PHF21A: variants seen among roughly 807,000 people sequenced by gnomAD.
PHF21A encodes PHD finger protein 21A, also known as BHC80a.
A neutral mutation model predicts 82.5 loss-of-function variants in PHF21A; 11 were observed. The ratio of observed to expected loss-of-function variants is 0.13; its 90% CI spans 0.08 to 0.22. The LOEUF is 0.22. Ranked by LOEUF, PHF21A falls within the 10% of genes least tolerant of loss-of-function variation. PHF21A has a pLI of 1.00. For missense variants in PHF21A, 579 were observed against 837.8 expected (o/e 0.69, Z 3.81); for synonymous variants, 297 against 302.8 (o/e 0.98, Z 0.20).
chr11:46,011,314 C>A (rs555561157), intron 6 of PHF21A, among the ~76,000 whole-genome samples: 1 of 152,240 alleles, frequency 6.6e-6, no homozygotes, highest in Admixed American at 6.5e-5. Context: ...CATGGTAAAA[C>A]CCTGTCTCTA....
intron 5 of PHF21A, among the ~76,000 whole-genome samples, chr11:46,078,793 G>A (rs1259432585): frequency 6.6e-6 from 1 of 152,036 alleles, no homozygotes; most frequent in African/African-American, 2.4e-5. Flanking sequence ...ATATTGGGAT[G>A]ACAGAAAGCC....
At chr11:46,097,942 A>C (rs2097024482) in intron 1 of PHF21A, among the ~76,000 whole-genome samples, 1 of 152,186 alleles carries the variant, frequency 6.6e-6, no homozygotes, top group Non-Finnish European at 1.5e-5. Context: ...CCTACCCTTA[A>C]AGATATTGAA....
At chr11:45,982,497 C>A (rs1263622438) in intron 6 of PHF21A, among the ~76,000 whole-genome samples, 1 of 152,016 alleles carries the variant, frequency 6.6e-6, no homozygotes, top group Non-Finnish European at 1.5e-5. Context: ...ACTTTCAAGT[C>A]TTCAAAATTC....
chr11:46,077,092 C>T (rs1407678661), intron 5 of PHF21A, among the ~76,000 whole-genome samples: 1 of 152,176 alleles, frequency 6.6e-6, no homozygotes, highest in African/African-American at 2.4e-5. Context: ...GGTAAGAGTA[C>T]CTGTCCACTA....
intron 10 of PHF21A, among the ~76,000 whole-genome samples, chr11:45,960,992 C>T (rs1176811238): frequency 6.6e-6 from 1 of 152,186 alleles, no homozygotes; most frequent in African/African-American, 2.4e-5. Flanking sequence ...CAGTTTGCCA[C>T]AGTTTCTTCC....
At chr11:46,085,245 T>C (rs1190600199) in intron 3 of PHF21A, among the ~76,000 whole-genome samples, 1 of 152,082 alleles carries the variant, frequency 6.6e-6, no homozygotes, top group Non-Finnish European at 1.5e-5. Context: ...TCGTGTGTAA[T>C]TGAGGTGGTC....
chr11:45,989,684 A>G (rs980818538), intron 6 of PHF21A, among the ~76,000 whole-genome samples: 7 of 150,214 alleles, frequency 4.7e-5, no homozygotes, highest in Non-Finnish European at 1.0e-4. Context: ...ATAAATAAAT[A>G]AATAAAAATA....
chr11:45,989,034 T>C (rs2094586873), intron 6 of PHF21A, among the ~76,000 whole-genome samples: 1 of 152,176 alleles, frequency 6.6e-6, no homozygotes, highest in African/African-American at 2.4e-5. Flanking sequence ...TAAATTTACT[T>C]TCTGACAAGA....
At chr11:46,071,733 CAAA>C (rs10712240) in intron 6 of PHF21A, among the ~76,000 whole-genome samples, 1 of 147,822 alleles carries the variant, frequency 6.8e-6, no homozygotes, top group Non-Finnish European at 1.5e-5. Flanking sequence ...TGATAATAGC[CAAA>C]AAAAAAAACT....
At chr11:45,934,986 G>T in intron 18 of PHF21A, 2 of 585,624 alleles carry the variant, frequency 3.4e-6, no homozygotes, top group Non-Finnish European at 5.7e-6. Context: ...GAGGGCTGAG[G>T]TCACTTCACT....
At chr11:45,937,762 T>C (rs753247469) in intron 16 of PHF21A, among the ~76,000 whole-genome samples, 2 of 152,236 alleles carry the variant, frequency 1.3e-5, no homozygotes, top group Non-Finnish European at 2.9e-5. Context: ...ATTACAGGCC[T>C]GAGTCACCAC....
rs563075203 is a variant in PHF21A at position 45,998,739 on chromosome 11, G to A, written c.154-18773C>T. ...GTTGGTCAGGCTGGTCTCGAACTTC[G>A]GACCTCAAGTCATCCACCTACCTCG... On this transcript the variant is annotated intron_variant, in intron 6 of 18. Coordinates refer to ENST00000676320, the MANE Select transcript of PHF21A (RefSeq NM_001352027.3). 2.5e-4 allele frequency among the ~76,000 whole-genome samples: 37 copies of A among 150,976 alleles called. No individual in the cohort carries two copies. In the South Asian group the frequency reaches 6.3e-3, roughly 26 times the overall value.
chr11:46,001,707 A>T (rs1261402968), intron 6 of PHF21A, among the ~76,000 whole-genome samples: 1 of 152,200 alleles, frequency 6.6e-6, no homozygotes, highest in Non-Finnish European at 1.5e-5. Context: ...AACTGGTATG[A>T]TAGGCCATGG....
chr11:46,045,826 G>A (rs928493031), intron 6 of PHF21A, among the ~76,000 whole-genome samples: 31 of 152,032 alleles, frequency 2.0e-4, no homozygotes, highest in Admixed American at 4.6e-4. Flanking sequence ...CAGCAGGCAG[G>A]TGTCTTAGTA....
chr11:46,089,028 G>A (rs950608466), intron 3 of PHF21A, among the ~76,000 whole-genome samples: 2 of 133,350 alleles, frequency 1.5e-5, no homozygotes, highest in Admixed American at 8.1e-5. Context: ...TTTAACTAAC[G>A]ATAAGTCCAT....
chr11:45,948,802 A>G, intron 14 of PHF21A, 84 bp downstream of exon 14: 2 of 938,688 alleles, frequency 2.1e-6, no homozygotes, highest in South Asian at 2.6e-5. Context: ...TAGGTCCTAT[A>G]ATGATGGGAG....
intron 6 of PHF21A, among the ~76,000 whole-genome samples, chr11:46,063,569 A>T (rs974680785): frequency 3.9e-5 from 6 of 152,166 alleles, no homozygotes; most frequent in African/African-American, 1.4e-4. Flanking sequence ...AGTTTTACCA[A>T]TCCCTGCCCT....
intron 1 of PHF21A, among the ~76,000 whole-genome samples, chr11:46,095,267 C>A (rs1283244459): frequency 6.6e-6 from 1 of 152,038 alleles, no homozygotes; most frequent in Non-Finnish European, 1.5e-5. Context: ...CACGTTTGTG[C>A]TTTTTACACT....
At position 45,958,550 on chromosome 11, in the gene PHF21A, G is replaced by A. The variant is rs937451693; in HGVS notation, c.997-4925C>T. Among the ~76,000 whole-genome samples the A allele has an allele frequency of 1.4e-4, 20 of 146,128 alleles. No individual in the cohort carries two copies. In the South Asian group the frequency reaches 2.4e-3, roughly 18 times the overall value. On this transcript the variant is annotated intron_variant, in intron 10 of 18. Coordinates refer to ENST00000676320, the MANE Select transcript of PHF21A (RefSeq NM_001352027.3). The stretch of plus-strand genomic sequence containing the variant: ...CTGAGGCGGGAGGATCACTTGAGCC[G>A]AAATCATGCCACTGTACTCCAGCCT...
Sources: gnomAD v4.1 joint callset for allele counts (sites outside exome capture counted in the v4.1 genomes callset) on GRCh38, gnomAD v4.1.1 for gene constraint, MANE v1.5 for transcripts, NCBI Gene and HGNC (gene_info 2026-07-23, HGNC 2026-07-21) for gene names.